The following SNX7 variants were observed in gnomAD, a reference collection of about 807,000 sequenced individuals.
SNX7 encodes sorting nexin 7, also known as sorting nexin-7.
A neutral mutation model predicts 48.4 loss-of-function variants in SNX7; 35 were observed. That is an observed-to-expected ratio of 0.72 (90% CI 0.55 to 0.96). SNX7 has a LOEUF of 0.96. SNX7 is among the 40% of genes least tolerant of loss of function. SNX7 has a pLI of 0.00. For missense variants in SNX7, 553 were observed against 548.9 expected (o/e 1.01, Z -0.07); for synonymous variants, 190 against 190.2 (o/e 1.00, Z 0.01).
intron 1 of SNX7, among the ~76,000 whole-genome samples, chr1:98,670,647 T>C (rs1649798987): frequency 6.6e-6 from 1 of 152,198 alleles, no homozygotes; most frequent in Admixed American, 6.5e-5. Flanking sequence ...ATCTAGCCTA[T>C]GTATGAAGTA....
intron 1 of SNX7, among the ~76,000 whole-genome samples, chr1:98,683,426 C>A (rs1650611058): frequency 6.6e-6 from 1 of 151,960 alleles, no homozygotes; most frequent in Non-Finnish European, 1.5e-5. Context: ...ATATTTGTGT[C>A]CACCCAGAAT....
rs769770584 is a variant in SNX7 at position 98,695,532 on chromosome 1, C to T, written c.654C>T (p.His218=). 1.2e-6 allele frequency: 2 copies of T among 1,613,720 alleles called. No individual in the cohort carries two copies. The highest frequency in any genetic ancestry group is 2.2e-5 in the South Asian group (2 of 90,918). Residue 218 remains histidine (H), a synonymous_variant, in exon 5 of 9, where the codon CAC becomes CAT. Coordinates refer to ENST00000306121, the MANE Select transcript of SNX7 (RefSeq NM_015976.5). ...LTAQAWELSS[H]KKQGPGLLSR... is the part of the protein sequence containing the mutation. ...TTTGTTTCTAGGAACTCTCTTCTCA[C>T]AAGAAGCAAGGTCCTGGCTTGCTAA...
chr1:98,697,605 T>A (rs1651531264), intron 5 of SNX7, among the ~76,000 whole-genome samples: 1 of 152,150 alleles, frequency 6.6e-6, no homozygotes, highest in Non-Finnish European at 1.5e-5. Context: ...TGGTTACTCA[T>A]GTATGCATTC....
intron 7 of SNX7, among the ~76,000 whole-genome samples, chr1:98,724,248 T>G (rs1209517324): frequency 1.3e-5 from 2 of 152,066 alleles, no homozygotes; most frequent in Non-Finnish European, 2.9e-5. Flanking sequence ...TGTTAACCAT[T>G]CTTGGGGCCC....
At position 98,702,447 on chromosome 1, in the gene SNX7, A is replaced by G. The variant is rs567370424; in HGVS notation, c.1125+544A>G. ...CATATACTCATAACTGGGCTTCATT[A>G]ATTCTCACCATTTGGCTCAACTTTT... On this transcript the variant is annotated intron_variant, in intron 7 of 8. Transcript: ENST00000306121. Among the ~76,000 whole-genome samples, 186 of 152,304 alleles carry G rather than the reference A, an allele frequency of 1.2e-3. 1 individual carries two copies. Among genetic ancestry groups the G allele is most frequent in the South Asian group, 4.8e-3 (23 of 4,826 alleles).
chr1:98,665,628 A>G (rs980704830), intron 1 of SNX7, among the ~76,000 whole-genome samples: 2 of 152,144 alleles, frequency 1.3e-5, no homozygotes, highest in African/African-American at 2.4e-5. Flanking sequence ...TGCTCTTATT[A>G]TCTAGGTTGG....
At chr1:98,747,366 T>G (rs1417548989) in intron 8 of SNX7, among the ~76,000 whole-genome samples, 1 of 152,134 alleles carries the variant, frequency 6.6e-6, no homozygotes, top group Non-Finnish European at 1.5e-5. Context: ...AAGTAATCAG[T>G]TGGAATCTTC....
At chr1:98,681,574 A>G (rs1650491570) in intron 1 of SNX7, among the ~76,000 whole-genome samples, 1 of 152,216 alleles carries the variant, frequency 6.6e-6, no homozygotes, top group African/African-American at 2.4e-5. Context: ...AAACGTATGT[A>G]TATATTTGAG....
chr1:98,698,827 T>C lies in SNX7; in HGVS notation c.960T>C (p.Thr320=). The change falls in exon 6 of 9, where the codon ACT becomes ACC. Residue 320 remains threonine, a synonymous_variant. Transcript: ENST00000306121. ...GCATTGACAGATGCTGTAAGGCCAC[T>C]GAAAAGCGGATGTCTGGACTCTCAG... The part of the protein sequence containing the change: ...ASCIDRCCKA[T]EKRMSGLSEA... 6.2e-7 allele frequency: 1 copy of C among 1,613,900 alleles called. No individual in the cohort carries two copies. The highest frequency in any genetic ancestry group is 8.5e-7 in the Non-Finnish European group (1 of 1,179,824).
intron 8 of SNX7, among the ~76,000 whole-genome samples, chr1:98,750,318 T>TG (rs2101052592): frequency 1.3e-5 from 2 of 152,140 alleles, no homozygotes; most frequent in African/African-American, 4.8e-5. Context: ...GCTAAGGGGA[T>TG]GGGCTTTGGA....
intron 8 of SNX7, among the ~76,000 whole-genome samples, chr1:98,750,840 T>A (rs1226197449): frequency 6.6e-6 from 1 of 152,124 alleles, no homozygotes; most frequent in Non-Finnish European, 1.5e-5. Context: ...ACAGTTATCT[T>A]ATAAATACCA....
At chr1:98,712,251 G>T (rs1652352735) in intron 7 of SNX7, among the ~76,000 whole-genome samples, 1 of 152,060 alleles carries the variant, frequency 6.6e-6, no homozygotes, top group Non-Finnish European at 1.5e-5. Flanking sequence ...ATCTAGAATG[G>T]TGTATTCTTT....
chr1:98,689,567 G>A (rs9661346), intron 2 of SNX7, among the ~76,000 whole-genome samples: 150,136 of 152,284 alleles, frequency 0.99, 74,053 homozygotes, highest in Middle Eastern at 1. Context: ...GATATTCTTA[G>A]GGACGTATAC....
At chr1:98,693,313 T>C (rs1233102396) in intron 4 of SNX7, among the ~76,000 whole-genome samples, 1 of 152,184 alleles carries the variant, frequency 6.6e-6, no homozygotes, top group African/African-American at 2.4e-5. Flanking sequence ...TTTCTTTTAT[T>C]CTATAAAGCT....
chr1:98,694,081 G>A (rs1355674163), intron 4 of SNX7, among the ~76,000 whole-genome samples: 1 of 152,168 alleles, frequency 6.6e-6, no homozygotes, highest in Non-Finnish European at 1.5e-5. Flanking sequence ...CTTATTACAA[G>A]TTTTCTCAGC....
intron 7 of SNX7, among the ~76,000 whole-genome samples, chr1:98,737,869 A>G (rs1653872663): frequency 6.6e-6 from 1 of 152,196 alleles, no homozygotes; most frequent in African/African-American, 2.4e-5. Flanking sequence ...ATCTTTTAAT[A>G]TAAATATTAT....
chr1:98,714,449 G>C (rs1311637792), intron 7 of SNX7, among the ~76,000 whole-genome samples: 1 of 111,356 alleles, frequency 9.0e-6, no homozygotes, highest in Non-Finnish European at 2.1e-5. Flanking sequence ...TTATTCTCTA[G>C]TGGAAGGATG....
chr1:98,664,709 T>C (rs9729347), intron 1 of SNX7, among the ~76,000 whole-genome samples: 42,696 of 151,958 alleles, frequency 0.28, 6,381 homozygotes, highest in Middle Eastern at 0.33. Context: ...GCAATATAAA[T>C]CAAGAGGGAT....
chr1:98,667,942 C>CA lies in SNX7; in HGVS notation c.180+6039dup, dbSNP rs199518789. Among the ~76,000 whole-genome samples the CA allele has an allele frequency of 4.0e-4, 60 of 149,700 alleles. 1 individual carries two copies. The East Asian group carries it at 7.7e-3, about 19-fold the overall frequency. On this transcript the variant is annotated intron_variant, in intron 1 of 8. Coordinates refer to ENST00000306121, the MANE Select transcript of SNX7 (RefSeq NM_015976.5). ...AAACAAAAAAAACAAAACAAACAAA[C>CA]AAAAAAAACAATAAAACAAAATAGG...
Sources: gnomAD v4.1 joint callset for allele counts (sites outside exome capture counted in the v4.1 genomes callset) on GRCh38, gnomAD v4.1.1 for gene constraint, MANE v1.5 for transcripts, NCBI Gene and HGNC (gene_info 2026-07-23, HGNC 2026-07-21) for gene names.